ENO4: variants seen among roughly 807,000 people sequenced by gnomAD.
ENO4 encodes 2-phospho-D-glycerate hydro-lyase.
In ENO4, 53 loss-of-function variants were observed where a neutral mutation model predicts 63.2. That is an observed-to-expected ratio of 0.84 (90% confidence interval 0.67 to 1.05). The LOEUF is 1.05. Among genes scored for constraint, ENO4 ranks in the 50% least tolerant of loss-of-function variants. ENO4 has a pLI of 0.00. For missense variants in ENO4, 719 were observed against 772.0 expected (o/e 0.93, Z 0.81); for synonymous variants, 266 against 283.8 (o/e 0.94, Z 0.63).
At position 116,868,647 on chromosome 10, in the gene ENO4, C is replaced by T; in HGVS notation, c.991-3C>T. The stretch of plus-strand genomic sequence containing the variant: ...TGATACATTTTTATCTTCTGCCCCA[C>T]AGCCCTCTCCTCCAAAAGCAGAGAC... On this transcript the variant is annotated splice_polypyrimidine_tract_variant and splice_region_variant and intron_variant, in intron 7 of 13. Coordinates refer to ENST00000341276, the MANE Select transcript of ENO4 (RefSeq NM_001242699.2). 1 of 1,550,510 alleles carries T rather than the reference C, an allele frequency of 6.4e-7. No individual in the cohort carries two copies. The highest frequency in any genetic ancestry group is 1.2e-5 in the South Asian group (1 of 84,050).
chr10:116,883,028 T>C (rs1847065803), downstream of ENO4: 1 of 151,892 alleles, frequency 6.6e-6, no homozygotes. Flanking sequence ...GGAACAGTGA[T>C]ATAAATTATA....
downstream of ENO4, chr10:116,886,239 T>C: frequency 6.9e-6 from 10 of 1,458,756 alleles, no homozygotes; most frequent in Non-Finnish European, 9.2e-6. Context: ...GTATTCTGAA[T>C]ACAGTGACCA....
chr10:116,910,554 G>A (rs967518401), intron 10 of ENO4, among the ~76,000 whole-genome samples: 1 of 152,138 alleles, frequency 6.6e-6, no homozygotes. Context: ...ATTATCATAT[G>A]TACCTCATAG....
At chr10:116,906,810 T>C in intron 10 of ENO4, 7 of 1,324,872 alleles carry the variant, frequency 5.3e-6, no homozygotes, top group Middle Eastern at 1.9e-4. Context: ...CAAAAGAATA[T>C]AAAAATCAAA....
intron 10 of ENO4, among the ~76,000 whole-genome samples, chr10:116,898,058 T>C (rs1847583997): frequency 6.6e-6 from 1 of 152,262 alleles, no homozygotes; most frequent in African/African-American, 2.4e-5. Context: ...CTGAGCGTGG[T>C]GGCTCATCCC....
chr10:116,889,676 C>A (rs1266942865), intron 10 of ENO4, among the ~76,000 whole-genome samples: 1 of 152,192 alleles, frequency 6.6e-6, no homozygotes, highest in Admixed American at 6.5e-5. Context: ...CCTGTTTCTG[C>A]CTTTTCCATG....
chr10:116,888,644 G>C (rs937419546), intron 10 of ENO4, among the ~76,000 whole-genome samples: 1 of 152,206 alleles, frequency 6.6e-6, no homozygotes, highest in East Asian at 1.9e-4. Context: ...ACCTGCCCCA[G>C]GATTTGGAAA....
At chr10:116,879,832 C>T (rs1015222549) in intron 12 of ENO4, 37 bp from the exon 13 acceptor site, 4 of 1,442,380 alleles carry the variant, frequency 2.8e-6, no homozygotes, top group African/African-American at 2.8e-5. Flanking sequence ...CAAGACATGG[C>T]TCCTCCGTCT....
intron 1 of ENO4, chr10:116,850,050 C>T: frequency 1.9e-6 from 1 of 515,034 alleles, no homozygotes; most frequent in South Asian, 2.0e-5. Flanking sequence ...TGTGGGCCGG[C>T]CCACCGCCCA....
At position 116,874,210 on chromosome 10, in the gene ENO4, C is replaced by T. The variant is rs1846771207; in HGVS notation, c.1341+9C>T. ...ATCCTTTCAGGAAGGAGGTAAGCAC[C>T]CCACCTTCCATATTTTATAACATAT... On this transcript the variant is annotated intron_variant, in intron 10 of 13. Coordinates refer to ENST00000341276, the MANE Select transcript of ENO4 (RefSeq NM_001242699.2). The T allele has an allele frequency of 6.6e-7, 1 of 1,522,566 alleles. No homozygotes were observed. Among genetic ancestry groups the T allele is most frequent in the South Asian group, 1.2e-5 (1 of 80,756 alleles). The allele number at this position is 1,522,566 out of a possible 1,614,324, so 94.3% of individuals were successfully genotyped here. A position where few individuals can be genotyped will look rare whatever the true frequency, so the allele number is the denominator to read the frequency against.
In ENO4 at chr10:116,879,862, C is replaced by T. The variant is rs1846953117; in HGVS notation, c.1606-7C>T. 1 of 1,547,794 alleles carries T rather than the reference C, an allele frequency of 6.5e-7. No individual in the cohort carries two copies. Among genetic ancestry groups the T allele is most frequent in the African/African-American group, 1.4e-5 (1 of 72,904 alleles). ...CCGTCTAAAATTAGTTTTTTCCCCC[C>T]TTTCAGGCTGTTGGGCTTGGTGTCC... is the stretch of plus-strand genomic sequence containing the variant. On this transcript the variant is annotated splice_region_variant and splice_polypyrimidine_tract_variant and intron_variant, in intron 12 of 13. Coordinates refer to ENST00000341276, the MANE Select transcript of ENO4 (RefSeq NM_001242699.2).
At position 116,882,000 on chromosome 10, in the gene ENO4, T is replaced by A. The variant is rs1847030683; in HGVS notation, c.*331T>A. The stretch of plus-strand genomic sequence containing the variant: ...AGTCAAACACCCCATCCTTTACCAA[T>A]CAGAATATCTCTGAGAACAAAAACC... On this transcript the variant is annotated 3_prime_UTR_variant, in exon 14 of 14. Coordinates refer to ENST00000341276, the MANE Select transcript of ENO4 (RefSeq NM_001242699.2). The A allele has an allele frequency of 5.2e-6, 1 of 192,678 alleles. No homozygotes were observed. Among genetic ancestry groups the A allele is most frequent in the Admixed American group, 6.1e-5 (1 of 16,410 alleles). 11.9% of individuals were successfully genotyped at this position (192,678 alleles called of 1,614,324 possible). A position where few individuals can be genotyped will look rare whatever the true frequency, so the allele number is the denominator to read the frequency against.
intron 10 of ENO4, chr10:116,900,773 T>C (rs993692090): frequency 7.1e-6 from 7 of 984,904 alleles, no homozygotes; most frequent in East Asian, 2.3e-4. Flanking sequence ...AGGAAACACA[T>C]GACTACAGGA....
chr10:116,873,121 T>C (rs1846742039), intron 9 of ENO4, among the ~76,000 whole-genome samples: 1 of 152,206 alleles, frequency 6.6e-6, no homozygotes. Flanking sequence ...ACAATATTGT[T>C]AGTTCAAAAT....
intron 10 of ENO4, chr10:116,901,572 T>C (rs1229969178): frequency 1.0e-6 from 1 of 985,294 alleles, no homozygotes; most frequent in Non-Finnish European, 1.2e-6. Context: ...TACATGGTAC[T>C]TGCTTTGGAT....
chr10:116,881,493 AC>A lies in ENO4; in HGVS notation c.1724-21del, dbSNP rs1021026843. On this transcript the variant is annotated intron_variant, in intron 13 of 13. Transcript: ENST00000341276. The stretch of plus-strand genomic sequence containing the variant: ...CTGGCACCATTGGATTAGACAGTAA[AC>A]TTTATTGTTACTTTAAATAGGTTTC... The A allele has an allele frequency of 4.6e-6, 7 of 1,517,434 alleles. No homozygotes were observed. In the Admixed American group the frequency reaches 1.5e-4, roughly 33 times the overall value. 94.0% of individuals were successfully genotyped at this position (1,517,434 alleles called of 1,614,324 possible).
intron 1 of ENO4, among the ~76,000 whole-genome samples, chr10:116,852,531 G>GT (rs1329779789): frequency 2.0e-5 from 3 of 152,084 alleles, no homozygotes; most frequent in Non-Finnish European, 2.9e-5. Flanking sequence ...ACACCTTTTT[G>GT]TAAGTCCCTC....
At chr10:116,862,139 C>T (rs912096266) in intron 6 of ENO4, among the ~76,000 whole-genome samples, 1 of 152,116 alleles carries the variant, frequency 6.6e-6, no homozygotes, top group Non-Finnish European at 1.5e-5. Flanking sequence ...TCCAGACTAC[C>T]TTGGTGATCT....
intron 4 of ENO4, among the ~76,000 whole-genome samples, chr10:116,859,635 T>C (rs1846356120): frequency 6.6e-6 from 1 of 152,240 alleles, no homozygotes. Context: ...AACAGATTGC[T>C]AACCTCAGCC....
Sources: allele counts gnomAD v4.1 joint callset (sites outside exome capture counted in the v4.1 genomes callset), GRCh38; gene constraint gnomAD v4.1.1; transcripts MANE v1.5; gene names NCBI Gene and HGNC (gene_info 2026-07-23, HGNC 2026-07-21).